Variants in MLPH observed in about 807,000 individuals in gnomAD.
MLPH encodes melanophilin.
A neutral mutation model predicts 72.1 loss-of-function variants in MLPH; 51 were observed. The observed-to-expected ratio is 0.71, with a 90% CI of 0.56 to 0.89. MLPH has a LOEUF of 0.89. Ranked by LOEUF, MLPH falls within the 40% of genes least tolerant of loss-of-function variation. The probability of loss-of-function intolerance (pLI) is 0.00; values close to 1 mark genes in which losing one functional copy is unlikely to be tolerated. For synonymous variants in MLPH, 301 were observed against 310.1 expected (o/e 0.97, Z 0.31); for missense variants, 743 against 759.9 (o/e 0.98, Z 0.26).
At position 237,519,079 on chromosome 2, in the gene MLPH, T is replaced by TTTTG. The variant is rs138690967; in HGVS notation, c.555+439_555+442dup. ...TTTTCTCCTTCTGGGTTTTGTTTTGTTTTGTTTGTTTTTTTTTGCCAACCA... is the reference window on the plus strand; with the variant it reads ...TTTTCTCCTTCTGGGTTTTGTTTTGTTTTGTTTGTTTGTTTTTTTTTGCCAACCA... On this transcript the variant is annotated intron_variant, in intron 5 of 15. Coordinates refer to ENST00000264605, the MANE Select transcript of MLPH (RefSeq NM_024101.7). Among the ~76,000 whole-genome samples the TTTTG allele has an allele frequency of 6.5e-3, 701 of 107,954 alleles. 1 individual carries two copies. The highest frequency in any genetic ancestry group is 0.026 in the African/African-American group (669 of 26,136). 70.8% of individuals were successfully genotyped at this position (107,954 alleles called of 152,430 possible). A position where few individuals can be genotyped will look rare whatever the true frequency, so the allele number is the denominator to read the frequency against.
chr2:237,549,425 C>A, intron 14 of MLPH, 147 bp downstream of exon 14: 1 of 856,868 alleles, frequency 1.2e-6, no homozygotes, highest in South Asian at 1.4e-5. Flanking sequence ...CAGTGCCGCT[C>A]GGGCCACCCT....
At chr2:237,545,623 C>T (rs1462040351) in intron 12 of MLPH, 1 of 1,285,352 alleles carries the variant, frequency 7.8e-7, no homozygotes, top group Non-Finnish European at 1.0e-6. Context: ...GCGCGGGAGG[C>T]TCACATCAGA....
chr2:237,545,785 C>A, intron 12 of MLPH: 1 of 493,204 alleles, frequency 2.0e-6, no homozygotes, highest in Non-Finnish European at 3.0e-6. Context: ...ACAGGATGCC[C>A]AGTTAGCTCT....
chr2:237,509,368 G>A lies in MLPH; in HGVS notation c.111-1206G>A, dbSNP rs749209469. Among the ~76,000 whole-genome samples, 95 of 152,112 alleles carry A rather than the reference G, an allele frequency of 6.2e-4. 1 individual carries two copies. Among genetic ancestry groups the A allele is most frequent in the East Asian group, 1.2e-3 (6 of 5,184 alleles). Reference sequence around the variant, plus strand: ...CTGCTGTGCTGGCCCTCAGGGTACCGTTCTGCCTGGATACAGAAGAAGAGG... The same window carrying A: ...CTGCTGTGCTGGCCCTCAGGGTACCATTCTGCCTGGATACAGAAGAAGAGG... On this transcript the variant is annotated intron_variant, in intron 2 of 15. Transcript: ENST00000264605.
Position 237,540,410 on chromosome 2 carries a change from G to A in MLPH, c.1167G>A (p.Leu389=), listed in dbSNP as rs2080647006. The A allele has an allele frequency of 1.2e-6, 2 of 1,613,612 alleles. No individual in the cohort carries two copies. The highest frequency in any genetic ancestry group is 2.2e-5 in the East Asian group (1 of 44,866). The change falls in exon 10 of 16, where the codon CTG becomes CTA. Residue 389 remains leucine, a synonymous_variant. Coordinates refer to ENST00000264605, the MANE Select transcript of MLPH (RefSeq NM_024101.7). ...AGGAGGAGGCCCTGAGGAGGAAGCT[G>A]GAGGAGCTGACCAGCAACGTCAGTG... ...DVEEEALRRK[L]EELTSNVSDQ...
At chr2:237,494,760 C>A (rs536798011) in intron 2 of MLPH, among the ~76,000 whole-genome samples, 94 of 152,218 alleles carry the variant, frequency 6.2e-4, no homozygotes, top group Non-Finnish European at 6.9e-4. Flanking sequence ...GTGTGTTGAG[C>A]GGGTGTTGGA....
rs2079879279 is a variant in MLPH, at chr2:237,510,899, T to TTGTG, written c.333-90_333-89insTGTG. 7.6e-7 allele frequency: 1 copy of TTGTG among 1,318,754 alleles called. No homozygotes were observed. The highest frequency in any genetic ancestry group is 1.9e-5 in the African/African-American group (1 of 51,648). 81.7% of individuals were successfully genotyped at this position (1,318,754 alleles called of 1,614,324 possible). A position where few individuals can be genotyped will look rare whatever the true frequency, so the allele number is the denominator to read the frequency against. On this transcript the variant is annotated intron_variant, in intron 3 of 15. Transcript: ENST00000264605. This position sits in a 1 kb window ranked among gnomAD's most constrained non-coding sequence, Gnocchi z 4.4. ...AGGGTGGACGCACACATGCACACACTCGTGTGTGTGTGTGTGTGTGTGTGT... is the reference window on the plus strand; with the variant it reads ...AGGGTGGACGCACACATGCACACACTTGTGCGTGTGTGTGTGTGTGTGTGTGTGT...
At chr2:237,502,607 G>A (rs957310163) in intron 2 of MLPH, among the ~76,000 whole-genome samples, 1 of 152,168 alleles carries the variant, frequency 6.6e-6, no homozygotes, top group African/African-American at 2.4e-5. Flanking sequence ...CCGGACTTGG[G>A]TGACTCATGC....
chr2:237,521,533 T>A (rs1041618382), intron 6 of MLPH, among the ~76,000 whole-genome samples: 1 of 152,222 alleles, frequency 6.6e-6, no homozygotes, highest in African/African-American at 2.4e-5. Flanking sequence ...TGTGGCTGAT[T>A]AATGCCAATT....
At chr2:237,506,823 C>A (rs1424675460) in intron 2 of MLPH, among the ~76,000 whole-genome samples, 1 of 152,056 alleles carries the variant, frequency 6.6e-6, no homozygotes, top group Admixed American at 6.6e-5. Flanking sequence ...GGGGTGGTCT[C>A]CTCCCTTATC....
intron 4 of MLPH, among the ~76,000 whole-genome samples, chr2:237,517,282 GATGC>G (rs1452655699): frequency 1.3e-5 from 2 of 151,300 alleles, no homozygotes; most frequent in South Asian, 2.1e-4. Flanking sequence ...TAGATGGGTG[GATGC>G]ATGGATGCAT....
At position 237,540,459 on chromosome 2, in the gene MLPH, G is replaced by C. The variant is rs2080649459; in HGVS notation, c.1216G>C (p.Glu406Gln). 6.2e-7 allele frequency: 1 copy of C among 1,612,926 alleles called. No homozygotes were observed. ...TGACCAGGAGACCTCGTCCGAGGAG[G>C]AGGAAGCCAAGGACGAAAAGGCAGA... ...VSDQETSSEE[E>Q]EAKDEKAEPN... Residue 406 changes from glutamate to glutamine, a missense_variant, in exon 10 of 16, where the codon GAG (glutamate) becomes CAG (glutamine). By Grantham distance (29) the Glu-to-Gln change is conservative. Coordinates refer to ENST00000264605, the MANE Select transcript of MLPH (RefSeq NM_024101.7).
intron 2 of MLPH, among the ~76,000 whole-genome samples, chr2:237,498,560 C>T (rs1305541467): frequency 6.6e-6 from 1 of 152,252 alleles, no homozygotes; most frequent in Non-Finnish European, 1.5e-5. Flanking sequence ...TTGGCCAGGC[C>T]TGCCCCTCCC....
intron 6 of MLPH, among the ~76,000 whole-genome samples, chr2:237,524,299 T>C (rs1444279027): frequency 8.8e-6 from 1 of 113,216 alleles, no homozygotes; most frequent in South Asian, 2.6e-4. Context: ...ACAGAACTAA[T>C]AGAATATATA....
At chr2:237,503,383 C>T (rs924907631) in intron 2 of MLPH, among the ~76,000 whole-genome samples, 7 of 152,154 alleles carry the variant, frequency 4.6e-5, no homozygotes, top group South Asian at 2.1e-4. Flanking sequence ...TCTTTTTTAT[C>T]GTCATCTTGG....
chr2:237,511,111 G>A lies in MLPH; in HGVS notation c.445+10G>A, dbSNP rs369240653. On this transcript the variant is annotated intron_variant, in intron 4 of 15. Transcript: ENST00000264605. Reference sequence around the variant, plus strand: ...CGGCTGCAGGGTGGAGGTAAGGAGTGGAGAGTAAGAACGGCTTTTTGTTCC... The same window carrying A: ...CGGCTGCAGGGTGGAGGTAAGGAGTAGAGAGTAAGAACGGCTTTTTGTTCC... The A allele has an allele frequency of 2.5e-6, 4 of 1,608,706 alleles. No individual in the cohort carries two copies. The highest frequency in any genetic ancestry group is 2.2e-5 in the South Asian group (2 of 90,974).
intron 4 of MLPH, among the ~76,000 whole-genome samples, chr2:237,516,361 G>A (rs729388): frequency 1.2e-4 from 18 of 152,184 alleles, no homozygotes; most frequent in Admixed American, 8.5e-4. Context: ...GGCCCAGGAG[G>A]TCAGTGTGAG....
chr2:237,549,334 GA>G, intron 14 of MLPH, 56 bp downstream of exon 14: 1 of 1,441,354 alleles, frequency 6.9e-7, no homozygotes, highest in Non-Finnish European at 9.8e-7. Context: ...CTTCGGGGAG[GA>G]AAATGACCAG....
Position 237,511,022 on chromosome 2 carries a change from T to C in MLPH, c.366T>C (p.Tyr122=), listed in dbSNP as rs1167477331. The C allele has an allele frequency of 1.2e-6, 2 of 1,613,962 alleles. No homozygotes were observed. The highest frequency in any genetic ancestry group is 2.7e-5 in the African/African-American group (2 of 74,996). ...VVKIGSLEWY[Y]EHVKARFKRF... is the part of the protein sequence containing the mutation. ...AGATCGGCTCACTGGAGTGGTACTA[T>C]GAGCATGTGAAAGCCCGCTTCAAGA... Residue 122 remains tyrosine (Y), a synonymous_variant, in exon 4 of 16, where the codon TAT becomes TAC. Coordinates refer to ENST00000264605, the MANE Select transcript of MLPH (RefSeq NM_024101.7).
Sources: allele counts gnomAD v4.1 joint callset (sites outside exome capture counted in the v4.1 genomes callset), GRCh38; gene constraint gnomAD v4.1.1; non-coding constraint Gnocchi (gnomAD v3.1); transcripts MANE v1.5; gene names NCBI Gene and HGNC (gene_info 2026-07-23, HGNC 2026-07-21).